PML: variants seen among roughly 807,000 people sequenced by gnomAD.
PML encodes protein PML.
PML carries 28 observed loss-of-function variants against 65.2 expected under a neutral mutation model. That is an observed-to-expected ratio of 0.43 (90% CI 0.32 to 0.59). The LOEUF (loss-of-function observed/expected upper bound fraction) is 0.59, where lower values mean the gene tolerates loss of function less well. Ranked by LOEUF, PML falls within the 20% of genes least tolerant of loss-of-function variation. The pLI is 0.08. For missense variants in PML, 1,021 were observed against 1,203.4 expected (o/e 0.85, Z 2.24); for synonymous variants, 500 against 508.8 (o/e 0.98, Z 0.23).
chr15:74,035,895 G>A lies in PML; in HGVS notation c.1710+1365G>A, dbSNP rs746534010. 7 of 1,613,480 alleles carry A rather than the reference G, an allele frequency of 4.3e-6. No individual in the cohort carries two copies. The highest frequency in any genetic ancestry group is 2.2e-5 in the South Asian group (2 of 91,084). On this transcript the variant is annotated intron_variant, in intron 7 of 8. Coordinates refer to ENST00000268058, the MANE Select transcript of PML (RefSeq NM_033238.3). The surrounding 1 kb of genome is among the most constrained non-coding windows in gnomAD (Gnocchi z 4.1). ...TCCAATTACATTCCCACCACCCTGT[G>A]CCCCAGAAAGGCCCCCCATCAGCCC... is the stretch of plus-strand genomic sequence containing the variant.
At position 74,043,303 on chromosome 15, in the gene PML, T is replaced by C; in HGVS notation, c.1861+164T>C. 1.3e-6 allele frequency: 2 copies of C among 1,492,238 alleles called. No individual in the cohort carries two copies. Among genetic ancestry groups the C allele is most frequent in the South Asian group, 2.7e-5 (2 of 74,866 alleles). 92.4% of individuals were successfully genotyped at this position (1,492,238 alleles called of 1,614,324 possible). ...CTCCGGCTCACCTGGGCTCCTGGCGTGTCATTTGCTGGCTTGAATAAAGAT... is the reference window on the plus strand; with the variant it reads ...CTCCGGCTCACCTGGGCTCCTGGCGCGTCATTTGCTGGCTTGAATAAAGAT... On this transcript the variant is annotated intron_variant, in intron 8 of 8. Transcript: ENST00000268058. The surrounding 1 kb of genome is among the most constrained non-coding windows in gnomAD (Gnocchi z 4.3).
intron 2 of PML, among the ~76,000 whole-genome samples, chr15:74,010,952 T>C (rs2070307931): frequency 6.6e-6 from 1 of 152,212 alleles, no homozygotes; most frequent in South Asian, 2.1e-4. Flanking sequence ...TATAAATTAG[T>C]GAGTTTTTTT....
At chr15:74,003,898 C>T (rs900402455) in intron 2 of PML, among the ~76,000 whole-genome samples, 2 of 152,150 alleles carry the variant, frequency 1.3e-5, no homozygotes, top group Non-Finnish European at 2.9e-5. Context: ...AGTGTCTTTA[C>T]TTGTATGTCC....
chr15:74,014,882 G>C (rs750563358), intron 2 of PML, among the ~76,000 whole-genome samples: 1 of 152,176 alleles, frequency 6.6e-6, no homozygotes, highest in Non-Finnish European at 1.5e-5. Context: ...GGGAACCCAC[G>C]TGGCAGTGTA....
In PML at chr15:74,047,373, C is replaced by T. The variant is rs897617496; in HGVS notation, c.*2365C>T. 1 of 231,014 alleles carries T rather than the reference C, an allele frequency of 4.3e-6. No homozygotes were observed. Among genetic ancestry groups the T allele is most frequent in the African/African-American group, 2.2e-5 (1 of 45,302 alleles). The allele number at this position is 231,014 out of a possible 1,614,324, so 14.3% of individuals were successfully genotyped here. ...AGGTAATGGGAATTGATCAGTGCCA[C>T]CACCCTTGACCCCAACTACCATCCC... On this transcript the variant is annotated 3_prime_UTR_variant, in exon 9 of 9. Transcript: ENST00000268058.
intron 2 of PML, among the ~76,000 whole-genome samples, chr15:74,011,658 C>T (rs2070338603): frequency 6.6e-6 from 1 of 152,176 alleles, no homozygotes; most frequent in Non-Finnish European, 1.5e-5. Context: ...AGGCTGCATG[C>T]AACCTTTCCT....
chr15:74,039,235 C>T (rs996286145), intron 7 of PML, among the ~76,000 whole-genome samples: 7 of 152,124 alleles, frequency 4.6e-5, no homozygotes, highest in African/African-American at 1.2e-4. Context: ...GAAAATGAAA[C>T]GGAGGTGCTG....
rs183969988 is a variant in PML at position 74,045,835 on chromosome 15, G to C, written c.*827G>C. Reference sequence around the variant, plus strand: ...CCTGCGGCATCAGCATCCCCTGGGAGCTTCTTAGAAATGCAGACCTGTGGG... The same window carrying C: ...CCTGCGGCATCAGCATCCCCTGGGACCTTCTTAGAAATGCAGACCTGTGGG... On this transcript the variant is annotated 3_prime_UTR_variant, in exon 9 of 9. Coordinates refer to ENST00000268058, the MANE Select transcript of PML (RefSeq NM_033238.3). 1 of 232,448 alleles carries C rather than the reference G, an allele frequency of 4.3e-6. No individual in the cohort carries two copies. The highest frequency in any genetic ancestry group is 6.1e-5 in the East Asian group (1 of 16,456). 14.4% of individuals were successfully genotyped at this position (232,448 alleles called of 1,614,324 possible).
At position 74,046,981 on chromosome 15, in the gene PML, A is replaced by G. The variant is rs895761932; in HGVS notation, c.*1973A>G. The G allele has an allele frequency of 2.6e-5, 6 of 229,298 alleles. No homozygotes were observed. Among genetic ancestry groups the G allele is most frequent in the Non-Finnish European group, 3.5e-5 (4 of 115,730 alleles). 14.2% of individuals were successfully genotyped at this position (229,298 alleles called of 1,614,324 possible). On this transcript the variant is annotated 3_prime_UTR_variant, in exon 9 of 9. Coordinates refer to ENST00000268058, the MANE Select transcript of PML (RefSeq NM_033238.3). ...GAGCCTTAAGCATGTGAATCCCCCC[A>G]CATGACAAGTGGGGAGACCCAGGGT... is the stretch of plus-strand genomic sequence containing the variant.
Position 74,029,624 on chromosome 15 carries a change from C to CA in PML, c.1255-2939dup, listed in dbSNP as rs1173367911. Among the ~76,000 whole-genome samples the CA allele has an allele frequency of 1.7e-4, 25 of 148,146 alleles. No homozygotes were observed. The South Asian group carries it at 2.8e-3, about 17-fold the overall frequency. On this transcript the variant is annotated intron_variant, in intron 4 of 8. Transcript: ENST00000268058. ...GAGCAACAAGAGCAAGACTCTGCCT[C>CA]AAAAAAAAAGAAAGAAAGAAAAAAG...
Position 74,035,122 on chromosome 15 carries a change from G to A in PML, c.1710+592G>A. 1 of 1,120,968 alleles carries A rather than the reference G, an allele frequency of 8.9e-7. No individual in the cohort carries two copies. The highest frequency in any genetic ancestry group is 1.4e-6 in the Non-Finnish European group (1 of 733,952). The allele number at this position is 1,120,968 out of a possible 1,614,324, so 69.4% of individuals were successfully genotyped here. On this transcript the variant is annotated intron_variant, in intron 7 of 8. Coordinates refer to ENST00000268058, the MANE Select transcript of PML (RefSeq NM_033238.3). The surrounding 1 kb of genome is among the most constrained non-coding windows in gnomAD (Gnocchi z 4.1). ...AATAGAGTGAAAGGTTGGACTGGGTGGCCCCTGAGGTCTCTTCCAGCCCTC... is the reference window on the plus strand; with the variant it reads ...AATAGAGTGAAAGGTTGGACTGGGTAGCCCCTGAGGTCTCTTCCAGCCCTC...
At chr15:74,013,594 C>T (rs117528926) in intron 2 of PML, among the ~76,000 whole-genome samples, 5 of 152,306 alleles carry the variant, frequency 3.3e-5, no homozygotes, top group East Asian at 1.9e-4. Flanking sequence ...AAAGCTGTAA[C>T]AGTAGGTGAG....
rs1337735341 is a variant in PML, at chr15:74,037,128, C to A, written c.1710+2598C>A. The A allele has an allele frequency of 2.0e-6, 2 of 985,298 alleles. No homozygotes were observed. The highest frequency in any genetic ancestry group is 2.4e-6 in the Non-Finnish European group (2 of 829,934). 61.0% of individuals were successfully genotyped at this position (985,298 alleles called of 1,614,324 possible). On this transcript the variant is annotated intron_variant, in intron 7 of 8. Transcript: ENST00000268058. This position sits in a 1 kb window ranked among gnomAD's most constrained non-coding sequence, Gnocchi z 4.2. ...TGGTTGCCTGTGACTGCTAAGGGCTCCTTGGTGCTCCGCCCAGCATGTCCT... is the reference window on the plus strand; with the variant it reads ...TGGTTGCCTGTGACTGCTAAGGGCTACTTGGTGCTCCGCCCAGCATGTCCT...
chr15:74,005,929 G>A (rs1023050765), intron 2 of PML, among the ~76,000 whole-genome samples: 4 of 152,066 alleles, frequency 2.6e-5, no homozygotes, highest in African/African-American at 7.2e-5. Context: ...GAACAGGGCC[G>A]CTCCCCACGA....
intron 4 of PML, chr15:74,031,130 G>T: frequency 3.3e-6 from 1 of 302,610 alleles, no homozygotes; most frequent in Non-Finnish European, 6.6e-6. Flanking sequence ...CCATGAAGCA[G>T]TCAGTCCCAT....
At position 74,043,723 on chromosome 15, in the gene PML, G is replaced by A. The variant is rs780328071; in HGVS notation, c.1862-498G>A. The A allele has an allele frequency of 5.7e-6, 3 of 529,760 alleles. No individual in the cohort carries two copies. The African/African-American group carries it at 5.7e-5, about 10-fold the overall frequency. 32.8% of individuals were successfully genotyped at this position (529,760 alleles called of 1,614,324 possible). On this transcript the variant is annotated intron_variant, in intron 8 of 8. Transcript: ENST00000268058. This position sits in a 1 kb window ranked among gnomAD's most constrained non-coding sequence, Gnocchi z 4.3. Reference sequence around the variant, plus strand: ...TAGCCCAGCCAGACAGAAACAGCAAGTGTTTTCATGGTACAGAAAAGTCAT... The same window carrying A: ...TAGCCCAGCCAGACAGAAACAGCAAATGTTTTCATGGTACAGAAAAGTCAT...
chr15:74,041,944 T>C (rs753578201), intron 7 of PML, among the ~76,000 whole-genome samples: 3 of 152,256 alleles, frequency 2.0e-5, no homozygotes, highest in Admixed American at 6.5e-5. Flanking sequence ...CCTGTGATCC[T>C]GTCCATGTCT....
intron 6 of PML, chr15:74,033,848 C>G: frequency 4.0e-6 from 2 of 498,350 alleles, no homozygotes; most frequent in Non-Finnish European, 7.1e-6. Flanking sequence ...GGCCACCTAC[C>G]TAAGTATCTC....
At chr15:74,033,939 G>C in intron 6 of PML, 3 of 351,758 alleles carry the variant, frequency 8.5e-6, no homozygotes, top group Non-Finnish European at 1.0e-5. Flanking sequence ...AGAGGAATCT[G>C]GAACAAGAGA....
Sources: allele counts gnomAD v4.1 joint callset (sites outside exome capture counted in the v4.1 genomes callset), GRCh38; gene constraint gnomAD v4.1.1; non-coding constraint Gnocchi (gnomAD v3.1); transcripts MANE v1.5; gene names NCBI Gene and HGNC (gene_info 2026-07-23, HGNC 2026-07-21).